VPS50: variants seen among roughly 807,000 people sequenced by gnomAD.
VPS50 encodes syndetin.
In VPS50, 70 loss-of-function variants were observed where a neutral mutation model predicts 139.7. The ratio of observed to expected loss-of-function variants is 0.50; its 90% confidence interval spans 0.41 to 0.61. VPS50 has a LOEUF of 0.61. Ranked by LOEUF, VPS50 falls within the 20% of genes least tolerant of loss-of-function variation. VPS50 has a pLI of 0.00. For synonymous variants in VPS50, 365 were observed against 376.7 expected, an observed-to-expected ratio of 0.97 and a Z score of 0.36; for missense variants, 921 against 1,133.7, an observed-to-expected ratio of 0.81 and a Z score of 2.69.
intron 21 of VPS50, chr7:93,333,873 C>G (rs1584480156): frequency 2.4e-6 from 1 of 415,612 alleles, no homozygotes; most frequent in Non-Finnish European, 4.3e-6. Flanking sequence ...AGAACTCTCT[C>G]CTGATAATTC....
Position 93,291,768 on chromosome 7 carries a change from G to T in VPS50, c.1008G>T (p.Met336Ile). 1 of 1,602,410 alleles carries T rather than the reference G, an allele frequency of 6.2e-7. No homozygotes were observed. The change falls in exon 13 of 28, where the codon ATG becomes ATT. Residue 336 changes from methionine to isoleucine, a missense_variant. By Grantham distance (10) the Met-to-Ile change is conservative. Transcript: ENST00000305866. ...ADLCKALWEV[M>I]LSYYRTMEWH... is the part of the protein sequence containing the mutation. The stretch of plus-strand genomic sequence containing the variant: ...TGTGCAAAGCACTATGGGAAGTTAT[G>T]CTCAGCTATTATAGGACTATGGAAT...
At chr7:93,351,171 T>A (rs1443090152) in intron 25 of VPS50, among the ~76,000 whole-genome samples, 1 of 151,934 alleles carries the variant, frequency 6.6e-6, no homozygotes, top group African/African-American at 2.4e-5. Flanking sequence ...TTGCTAGGAG[T>A]TTCCATAGAG....
At chr7:93,282,289 T>A (rs1796355143) in intron 12 of VPS50, among the ~76,000 whole-genome samples, 2 of 152,210 alleles carry the variant, frequency 1.3e-5, no homozygotes, top group African/African-American at 4.8e-5. Context: ...TATTTCACTG[T>A]AAGTGATGCT....
chr7:93,357,496 A>G (rs2117100597), intron 27 of VPS50, among the ~76,000 whole-genome samples: 1 of 152,324 alleles, frequency 6.6e-6, no homozygotes, highest in Non-Finnish European at 1.5e-5. Flanking sequence ...AGGCGGGGAC[A>G]GGTGCTCTCA....
At chr7:93,302,433 T>C (rs1256445689) in intron 16 of VPS50, among the ~76,000 whole-genome samples, 3 of 151,978 alleles carry the variant, frequency 2.0e-5, no homozygotes, top group African/African-American at 4.8e-5. Context: ...TTCAGCCACC[T>C]CTAGACTGCT....
intron 11 of VPS50, among the ~76,000 whole-genome samples, chr7:93,274,400 A>G (rs1796093104): frequency 6.6e-6 from 1 of 152,054 alleles, no homozygotes; most frequent in African/African-American, 2.4e-5. Context: ...ATGATTCTGA[A>G]AATCCTAGGA....
intron 2 of VPS50, among the ~76,000 whole-genome samples, chr7:93,243,871 T>G (rs1027176974): frequency 4.6e-5 from 7 of 151,900 alleles, no homozygotes; most frequent in Admixed American, 4.6e-4. Context: ...ATATACACTT[T>G]CCATAGTACT....
chr7:93,351,387 T>C (rs1013271304), intron 25 of VPS50, among the ~76,000 whole-genome samples: 1 of 152,172 alleles, frequency 6.6e-6, no homozygotes, highest in African/African-American at 2.4e-5. Flanking sequence ...AATTCTGTTT[T>C]TGAAAAAATG....
chr7:93,234,225 G>A (rs562080127), intron 1 of VPS50, among the ~76,000 whole-genome samples: 1 of 152,238 alleles, frequency 6.6e-6, no homozygotes. Context: ...GCTGTGGTTG[G>A]TTTAGTTTTT....
intron 11 of VPS50, among the ~76,000 whole-genome samples, chr7:93,274,112 A>G (rs1796086088): frequency 6.6e-6 from 1 of 152,114 alleles, no homozygotes; most frequent in African/African-American, 2.4e-5. Context: ...GAGGTACAGC[A>G]GTATTGAAAA....
At chr7:93,266,090 T>C (rs1343610334) in intron 9 of VPS50, among the ~76,000 whole-genome samples, 7 of 152,160 alleles carry the variant, frequency 4.6e-5, no homozygotes, top group Admixed American at 4.6e-4. Flanking sequence ...TGTAAGTAGA[T>C]TGAAAACCAC....
chr7:93,336,789 G>C (rs559571699), intron 22 of VPS50, among the ~76,000 whole-genome samples: 77 of 152,284 alleles, frequency 5.1e-4, no homozygotes, highest in Non-Finnish European at 8.1e-4. Flanking sequence ...TGGGATTACA[G>C]GCATGAGCCA....
At chr7:93,284,689 A>G (rs28665960) in intron 12 of VPS50, among the ~76,000 whole-genome samples, 276 of 152,324 alleles carry the variant, frequency 1.8e-3, no homozygotes, top group African/African-American at 6.3e-3. Flanking sequence ...ATTTTTGTCT[A>G]TGGAGACTCA....
At chr7:93,273,859 A>T (rs759157610) in intron 11 of VPS50, among the ~76,000 whole-genome samples, 1 of 152,110 alleles carries the variant, frequency 6.6e-6, no homozygotes, top group Admixed American at 6.6e-5. Context: ...GCATGCATGT[A>T]CTTCATGTCT....
chr7:93,291,392 A>G (rs968025135), intron 12 of VPS50, among the ~76,000 whole-genome samples: 1 of 152,062 alleles, frequency 6.6e-6, no homozygotes, highest in Non-Finnish European at 1.5e-5. Context: ...CAAAAAATGC[A>G]TTTGGGGATG....
chr7:93,295,140 T>G (rs1442896551), intron 14 of VPS50, among the ~76,000 whole-genome samples: 1 of 152,204 alleles, frequency 6.6e-6, no homozygotes, highest in Non-Finnish European at 1.5e-5. Context: ...TTTAGTCCAT[T>G]TGGGCTCCTA....
intron 25 of VPS50, among the ~76,000 whole-genome samples, chr7:93,351,882 G>T (rs1238184422): frequency 5.3e-5 from 8 of 152,140 alleles, no homozygotes; most frequent in African/African-American, 1.9e-4. Flanking sequence ...TGTTATTCCA[G>T]TTATAAGAAA....
intron 9 of VPS50, among the ~76,000 whole-genome samples, chr7:93,269,618 C>T (rs952964924): frequency 6.6e-6 from 1 of 152,004 alleles, no homozygotes; most frequent in Admixed American, 6.6e-5. Flanking sequence ...CTATCTATGT[C>T]TATCTATATC....
chr7:93,341,194 T>A (rs1798199633), intron 22 of VPS50, among the ~76,000 whole-genome samples: 1 of 110,184 alleles, frequency 9.1e-6, no homozygotes, highest in Non-Finnish European at 1.7e-5. Context: ...TTAGGTCATG[T>A]ACAGATGGTA....
Sources: allele counts gnomAD v4.1 joint callset (sites outside exome capture counted in the v4.1 genomes callset), GRCh38; gene constraint gnomAD v4.1.1; transcripts MANE v1.5; gene names NCBI Gene and HGNC (gene_info 2026-07-23, HGNC 2026-07-21).